The following LINGO1 variants were observed in gnomAD, a reference collection of about 807,000 sequenced individuals.
The protein encoded by LINGO1 is leucine-rich repeat and immunoglobulin-like domain-containing nogo receptor-interacting protein 1.
LINGO1 carries 11 observed loss-of-function variants against 37.3 expected under a neutral mutation model. The observed-to-expected ratio is 0.29, with a 90% CI of 0.19 to 0.49. The LOEUF is 0.49. LINGO1 is among the 20% of genes least tolerant of loss of function. The pLI is 0.99. For missense variants in LINGO1, 585 were observed against 878.2 expected (o/e 0.67, Z 4.22); for synonymous variants, 387 against 403.0 (o/e 0.96, Z 0.48).
intron 1 of LINGO1, among the ~76,000 whole-genome samples, chr15:77,620,992 C>A (rs768498038): frequency 6.6e-6 from 1 of 152,204 alleles, no homozygotes; most frequent in East Asian, 1.9e-4. Context: ...ATCCACCAGA[C>A]ACCTTCTTTA....
upstream of LINGO1, among the ~76,000 whole-genome samples, chr15:77,697,561 G>GTTCACTCATTCA (rs201593326): frequency 1.6e-4 from 25 of 152,144 alleles, no homozygotes; most frequent in African/African-American, 4.8e-4. Flanking sequence ...GGAGCTGCCA[G>GTTCACTCATTCA]TTCACTCATT....
At chr15:77,677,611 C>T (rs1176358551) in intron 2 of LINGO1, among the ~76,000 whole-genome samples, 1 of 152,074 alleles carries the variant, frequency 6.6e-6, no homozygotes, top group African/African-American at 2.4e-5. Context: ...GGTCCTCAGC[C>T]CCAGCACCGC....
At chr15:77,720,281 T>C (rs1165381187) in intron 2 of LINGO1, among the ~76,000 whole-genome samples, 1 of 152,236 alleles carries the variant, frequency 6.6e-6, no homozygotes, top group Non-Finnish European at 1.5e-5. Context: ...GTAAACGGCG[T>C]TTTTATTCTG....
chr15:77,633,560 G>A (rs1422767255), upstream of LINGO1, among the ~76,000 whole-genome samples: 5 of 152,284 alleles, frequency 3.3e-5, 1 homozygote, highest in East Asian at 9.7e-4. Context: ...CGCTGGCCCG[G>A]CAGCTCTACC....
chr15:77,634,462 C>T (rs2141089299), upstream of LINGO1: 2 of 380,594 alleles, frequency 5.3e-6, no homozygotes, highest in South Asian at 2.0e-5. Context: ...TACGTTCACC[C>T]TCCAGCAACT....
At chr15:77,640,988 C>CA (rs1460924849) in intron 3 of LINGO1, among the ~76,000 whole-genome samples, 7 of 152,158 alleles carry the variant, frequency 4.6e-5, no homozygotes, top group Non-Finnish European at 1.0e-4. Context: ...ACACACACAG[C>CA]AGGCAGGTCA....
intron 1 of LINGO1, among the ~76,000 whole-genome samples, chr15:77,623,859 G>C (rs868310818): frequency 6.7e-6 from 1 of 150,126 alleles, no homozygotes; most frequent in African/African-American, 2.5e-5. Flanking sequence ...TGGCCTGTGT[G>C]TGTGTGTGTG....
In LINGO1 at chr15:77,672,323, C is replaced by T. The variant is rs79591665; in HGVS notation, c.-13+4766G>A. 6.4e-3 allele frequency among the ~76,000 whole-genome samples: 979 copies of T among 152,216 alleles called. 14 individuals are homozygous for T. Among genetic ancestry groups the T allele is most frequent in the African/African-American group, 0.022 (933 of 41,524 alleles). ...AACCCAGATACACATCACACCAGCC[C>T]CCACTCAGTGTCCTCAGCTGGCTGT... On this transcript the variant is annotated intron_variant, in intron 3 of 3. Transcript: ENST00000559893.
intron 1 of LINGO1, among the ~76,000 whole-genome samples, chr15:77,754,660 C>T (rs1596192630): frequency 6.6e-6 from 1 of 152,234 alleles, no homozygotes; most frequent in African/African-American, 2.4e-5. Flanking sequence ...GGGGGTGGGG[C>T]TCTGAGAAGG....
intron 1 of LINGO1, among the ~76,000 whole-genome samples, chr15:77,774,135 T>G (rs1382583600): frequency 1.3e-5 from 2 of 152,064 alleles, no homozygotes; most frequent in Non-Finnish European, 2.9e-5. Context: ...TGAGCGAGGC[T>G]GGAGAGCCCT....
chr15:77,627,038 G>A (rs2074115521), intron 1 of LINGO1, among the ~76,000 whole-genome samples: 1 of 147,310 alleles, frequency 6.8e-6, no homozygotes, highest in Admixed American at 6.8e-5. Flanking sequence ...TCCCAGAGGC[G>A]AGAGCAGGTT....
intron 1 of LINGO1, among the ~76,000 whole-genome samples, chr15:77,814,028 T>C (rs781631297): frequency 5.8e-4 from 88 of 151,766 alleles, no homozygotes; most frequent in Non-Finnish European, 8.7e-4. Flanking sequence ...CTCCCTGTGC[T>C]GGGGCAGATG....
intron 1 of LINGO1, among the ~76,000 whole-genome samples, chr15:77,619,284 G>A (rs147962730): frequency 1.7e-3 from 254 of 152,262 alleles, no homozygotes; most frequent in Non-Finnish European, 2.4e-3. Context: ...GGAAACATGC[G>A]CATGAGTGAG....
chr15:77,639,675 T>C (rs572254506), intron 3 of LINGO1, among the ~76,000 whole-genome samples: 5 of 152,186 alleles, frequency 3.3e-5, no homozygotes, highest in Middle Eastern at 3.2e-3. Context: ...TGCATCAGCA[T>C]AGGTGATCTC....
At chr15:77,766,945 G>GA (rs1555540042) in intron 1 of LINGO1, among the ~76,000 whole-genome samples, 3 of 151,998 alleles carry the variant, frequency 2.0e-5, no homozygotes, top group Non-Finnish European at 2.9e-5. Context: ...AGAAAGAGGA[G>GA]AAGATTTTTT....
chr15:77,667,315 A>G lies in LINGO1; in HGVS notation c.-13+9774T>C, dbSNP rs1040699447. Among the ~76,000 whole-genome samples the G allele has an allele frequency of 4.6e-5, 7 of 152,290 alleles. No homozygotes were observed. In the East Asian group the frequency reaches 5.8e-4, roughly 13 times the overall value. On this transcript the variant is annotated intron_variant, in intron 3 of 3. Coordinates refer to the LINGO1 transcript ENST00000559893. ...CCTCCGGCTATCTGGATGGCCCTCA[A>G]TGGAGCCCTTCTAGGCTGTGGGTGC...
chr15:77,679,722 C>G (rs1395866840), intron 2 of LINGO1, among the ~76,000 whole-genome samples: 1 of 152,178 alleles, frequency 6.6e-6, no homozygotes, highest in Non-Finnish European at 1.5e-5. Flanking sequence ...AATGCAACAC[C>G]CATGGAGGAT....
At chr15:77,772,912 G>A (rs548056947) in intron 1 of LINGO1, among the ~76,000 whole-genome samples, 2 of 152,312 alleles carry the variant, frequency 1.3e-5, no homozygotes, top group South Asian at 2.1e-4. Flanking sequence ...TTCGGCTCTG[G>A]GGACTGGGAG....
intron 2 of LINGO1, among the ~76,000 whole-genome samples, chr15:77,717,575 C>G (rs1465865097): frequency 6.6e-6 from 1 of 150,888 alleles, no homozygotes. Context: ...GGCAGAGGGT[C>G]AGAAGCTCAG....
Sources: allele counts gnomAD v4.1 joint callset (sites outside exome capture counted in the v4.1 genomes callset), GRCh38; gene constraint gnomAD v4.1.1; transcripts MANE v1.5; gene names NCBI Gene and HGNC (gene_info 2026-07-23, HGNC 2026-07-21).